FARP1: variants seen among roughly 807,000 people sequenced by gnomAD.
FARP1 encodes the protein FERM, ARHGEF and pleckstrin domain-containing protein 1.
Under a neutral mutation model 128.8 loss-of-function variants are expected in FARP1, and 52 were observed. That is an observed-to-expected ratio of 0.40 (90% confidence interval 0.32 to 0.51). The LOEUF is 0.51. Among genes scored for constraint, FARP1 ranks in the 20% least tolerant of loss-of-function variants. The pLI is 0.45. For missense variants in FARP1, 1,333 were observed against 1,367.9 expected, an observed-to-expected ratio of 0.97 and a Z score of 0.40; for synonymous variants, 580 against 551.8, an observed-to-expected ratio of 1.05 and a Z score of -0.72.
chr13:98,277,027 C>T (rs779365873), intron 2 of FARP1, among the ~76,000 whole-genome samples: 84 of 150,664 alleles, frequency 5.6e-4, no homozygotes, highest in Non-Finnish European at 9.7e-4. Flanking sequence ...CACAAGTATT[C>T]GTTTTGTTCA....
rs1033393665 is a variant in FARP1, at chr13:98,452,321, G to C, written c.*4004G>C. On this transcript the variant is annotated 3_prime_UTR_variant, in exon 27 of 27. Coordinates refer to ENST00000319562, the MANE Select transcript of FARP1 (RefSeq NM_005766.4). Reference sequence around the variant, plus strand: ...ACGATTCCAAACAAATGTCAGACGAGAGCGCTTCATGGGGAGAAACTGAAA... The same window carrying C: ...ACGATTCCAAACAAATGTCAGACGACAGCGCTTCATGGGGAGAAACTGAAA... The C allele has an allele frequency of 2.0e-5, 3 of 152,506 alleles. No homozygotes were observed. Among genetic ancestry groups the C allele is most frequent in the Non-Finnish European group, 4.4e-5 (3 of 68,050 alleles). 9.4% of individuals were successfully genotyped at this position (152,506 alleles called of 1,614,324 possible). A position where few individuals can be genotyped will look rare whatever the true frequency, so the allele number is the denominator to read the frequency against.
chr13:98,185,584 G>A (rs1002136969), intron 1 of FARP1, among the ~76,000 whole-genome samples: 18 of 151,940 alleles, frequency 1.2e-4, no homozygotes, highest in Non-Finnish European at 2.1e-4. Context: ...TTCCTGGGAA[G>A]CAGCATAGGT....
At chr13:98,200,785 T>A (rs1467610403) in intron 1 of FARP1, among the ~76,000 whole-genome samples, 1 of 152,170 alleles carries the variant, frequency 6.6e-6, no homozygotes, top group Non-Finnish European at 1.5e-5. Context: ...AGTGAGTATT[T>A]TTTTCCTAAA....
chr13:98,448,151 C>A, intron 26 of FARP1, 85 bp from the exon 27 acceptor site: 2 of 1,190,072 alleles, frequency 1.7e-6, no homozygotes, highest in Non-Finnish European at 2.5e-6. Flanking sequence ...CTGACTTCAC[C>A]TTGTGTTTCT....
At chr13:98,238,511 C>T (rs900550164) in intron 2 of FARP1, among the ~76,000 whole-genome samples, 12 of 152,106 alleles carry the variant, frequency 7.9e-5, no homozygotes, top group East Asian at 3.8e-4. Context: ...TTATTGGACT[C>T]GCAGTTCCAC....
chr13:98,265,249 T>A (rs1319173221), intron 2 of FARP1, among the ~76,000 whole-genome samples: 2 of 152,034 alleles, frequency 1.3e-5, no homozygotes, highest in African/African-American at 4.8e-5. Context: ...GTGATATTTT[T>A]GTGTTAGCGA....
chr13:98,309,153 CTTTTTTTTTTTTTT>C (rs56030081), intron 2 of FARP1, among the ~76,000 whole-genome samples: 41 of 89,686 alleles, frequency 4.6e-4, no homozygotes, highest in African/African-American at 1.4e-3. Flanking sequence ...TTTAAGAGGC[CTTTTTTTTTTTTTT>C]TTTTTTTTTT....
intron 2 of FARP1, among the ~76,000 whole-genome samples, chr13:98,266,713 C>G (rs1290557706): frequency 6.6e-6 from 1 of 152,112 alleles, no homozygotes; most frequent in Non-Finnish European, 1.5e-5. Flanking sequence ...ATTGAAAATT[C>G]TACACGGATG....
chr13:98,308,396 A>T (rs531550817), intron 2 of FARP1, among the ~76,000 whole-genome samples: 1 of 152,130 alleles, frequency 6.6e-6, no homozygotes, highest in Non-Finnish European at 1.5e-5. Flanking sequence ...GCTGAGACTG[A>T]CAAACGTGGT....
At chr13:98,173,097 A>G (rs551679149) in intron 1 of FARP1, among the ~76,000 whole-genome samples, 8 of 152,212 alleles carry the variant, frequency 5.3e-5, no homozygotes, top group Non-Finnish European at 1.2e-4. Flanking sequence ...GGGTATGTAG[A>G]ATAAAAAAGG....
At chr13:98,289,128 G>C (rs1376593276) in intron 2 of FARP1, among the ~76,000 whole-genome samples, 1 of 152,094 alleles carries the variant, frequency 6.6e-6, no homozygotes, top group African/African-American at 2.4e-5. Flanking sequence ...TGTACTTTTG[G>C]GCTGAATTAG....
intron 24 of FARP1, among the ~76,000 whole-genome samples, chr13:98,441,668 T>C (rs866158869): frequency 4.0e-5 from 6 of 151,786 alleles, no homozygotes; most frequent in African/African-American, 1.5e-4. Context: ...CACAGAACGG[T>C]GGAGAAAGGT....
intron 1 of FARP1, among the ~76,000 whole-genome samples, chr13:98,181,631 T>TGAG (rs1490988641): frequency 6.6e-4 from 64 of 97,024 alleles, no homozygotes; most frequent in African/African-American, 2.6e-3. Context: ...TTTATTTATT[T>TGAG]ATTTATTTAT....
Position 98,440,183 on chromosome 13 carries a change from G to A in FARP1, c.2577G>A (p.Glu859=). The A allele has an allele frequency of 6.2e-7, 1 of 1,614,122 alleles. No individual in the cohort carries two copies. Among genetic ancestry groups the A allele is most frequent in the South Asian group, 1.1e-5 (1 of 91,080 alleles). ...TCCAGATGGCCATTGACCTGGCGGA[G>A]AAGAGCAGCAGCCCCGCCCCTGAGT... The part of the protein sequence containing the change: ...EDIQMAIDLA[E]KSSSPAPEFL... Residue 859 remains glutamate (E), a synonymous_variant, in exon 23 of 27, where the codon GAG becomes GAA. Transcript: ENST00000319562.
At chr13:98,357,210 T>C (rs865916007) in intron 3 of FARP1, among the ~76,000 whole-genome samples, 1 of 152,302 alleles carries the variant, frequency 6.6e-6, no homozygotes, top group Non-Finnish European at 1.5e-5. Flanking sequence ...ATTATTGATA[T>C]AGTTTAAATT....
intron 1 of FARP1, among the ~76,000 whole-genome samples, chr13:98,202,871 C>T (rs1262637045): frequency 2.0e-5 from 3 of 152,140 alleles, no homozygotes; most frequent in East Asian, 3.9e-4. Flanking sequence ...AGGTGCTTAC[C>T]ACCATGCCTG....
At chr13:98,248,310 C>G (rs1235541314) in intron 2 of FARP1, among the ~76,000 whole-genome samples, 1 of 152,114 alleles carries the variant, frequency 6.6e-6, no homozygotes, top group East Asian at 1.9e-4. Context: ...ATAGTGGACT[C>G]AGGGACACTG....
chr13:98,293,528 C>T (rs1885537087), intron 2 of FARP1, among the ~76,000 whole-genome samples: 1 of 152,170 alleles, frequency 6.6e-6, no homozygotes, highest in Non-Finnish European at 1.5e-5. Flanking sequence ...CATGGAGAAA[C>T]CTCTGGGTGT....
intron 2 of FARP1, chr13:98,333,647 G>T (rs1887613010): frequency 6.6e-6 from 1 of 152,256 alleles, no homozygotes; most frequent in South Asian, 2.1e-4. Flanking sequence ...TTTAACGAGG[G>T]TTCTGAACGC....
Sources: allele counts gnomAD v4.1 joint callset (sites outside exome capture counted in the v4.1 genomes callset), GRCh38; gene constraint gnomAD v4.1.1; transcripts MANE v1.5; gene names NCBI Gene and HGNC (gene_info 2026-07-23, HGNC 2026-07-21).